PTPRD: variants seen among roughly 807,000 people sequenced by gnomAD.
PTPRD encodes the protein protein tyrosine phosphatase receptor type D.
PTPRD carries 34 observed loss-of-function variants against 214.5 expected under a neutral mutation model. The ratio of observed to expected loss-of-function variants is 0.16; its 90% CI spans 0.12 to 0.21. PTPRD has a LOEUF of 0.21. Ranked by LOEUF, PTPRD falls within the 10% of genes least tolerant of loss-of-function variation. The pLI, the probability that PTPRD is intolerant of heterozygous loss-of-function variation, is 1.00. For synonymous variants in PTPRD, 1,128 were observed against 845.7 expected, an observed-to-expected ratio of 1.33 and a Z score of -5.79; for missense variants, 2,545 against 2,398.7, an observed-to-expected ratio of 1.06 and a Z score of -1.27.
chr9:9,100,457 G>C (rs1417659854), intron 10 of PTPRD, among the ~76,000 whole-genome samples: 2 of 152,096 alleles, frequency 1.3e-5, no homozygotes, highest in Non-Finnish European at 2.9e-5. Context: ...TTATTTTGGG[G>C]AACACCACCC....
chr9:9,346,395 G>A (rs537755154), intron 9 of PTPRD, among the ~76,000 whole-genome samples: 163 of 152,128 alleles, frequency 1.1e-3, no homozygotes, highest in Non-Finnish European at 1.8e-3. Context: ...AATTAACTGA[G>A]AGAAATGTGT....
At chr9:10,507,755 G>A (rs974058870) in intron 2 of PTPRD, among the ~76,000 whole-genome samples, 2 of 152,132 alleles carry the variant, frequency 1.3e-5, no homozygotes, top group African/African-American at 4.8e-5. Flanking sequence ...TATGTAGAAA[G>A]CTGAAACTGG....
intron 39 of PTPRD, among the ~76,000 whole-genome samples, chr9:8,353,127 A>C (rs2075971441): frequency 6.6e-6 from 1 of 152,152 alleles, no homozygotes; most frequent in Non-Finnish European, 1.5e-5. Flanking sequence ...AAATAAATAA[A>C]AGAAAAAGGC....
intron 6 of PTPRD, among the ~76,000 whole-genome samples, chr9:9,745,751 C>G (rs2098451135): frequency 6.6e-6 from 1 of 152,086 alleles, no homozygotes; most frequent in African/African-American, 2.4e-5. Flanking sequence ...TCACTGTACT[C>G]TAGCTACACA....
At chr9:10,061,505 G>C (rs532862536) in intron 3 of PTPRD, among the ~76,000 whole-genome samples, 23 of 152,124 alleles carry the variant, frequency 1.5e-4, no homozygotes, top group African/African-American at 4.8e-4. Context: ...GCTCAAATGA[G>C]ATTGCTTTGA....
At chr9:8,855,006 T>C (rs528179577) in intron 11 of PTPRD, among the ~76,000 whole-genome samples, 1 of 152,312 alleles carries the variant, frequency 6.6e-6, no homozygotes, top group African/African-American at 2.4e-5. Flanking sequence ...AAAATCATAG[T>C]GCCAGAGAAG....
At chr9:9,303,817 A>G (rs957847158) in intron 9 of PTPRD, among the ~76,000 whole-genome samples, 1 of 152,176 alleles carries the variant, frequency 6.6e-6, no homozygotes, top group African/African-American at 2.4e-5. Flanking sequence ...TAAGGCAAAC[A>G]AACAAACACT....
intron 12 of PTPRD, among the ~76,000 whole-genome samples, chr9:8,674,576 A>G (rs908755549): frequency 6.6e-6 from 1 of 152,122 alleles, no homozygotes; most frequent in Non-Finnish European, 1.5e-5. Flanking sequence ...TACTTATGAA[A>G]GCTAACCTGG....
chr9:10,279,784 G>A (rs910382176), intron 3 of PTPRD, among the ~76,000 whole-genome samples: 1 of 151,922 alleles, frequency 6.6e-6, no homozygotes, highest in Admixed American at 6.5e-5. Context: ...GGATCTAAGT[G>A]GCGTAGTCAC....
intron 8 of PTPRD, among the ~76,000 whole-genome samples, chr9:9,512,523 T>G (rs1369100256): frequency 6.6e-6 from 1 of 151,910 alleles, no homozygotes; most frequent in Non-Finnish European, 1.5e-5. Context: ...GGCATTTCAG[T>G]GATAAAAATG....
intron 3 of PTPRD, among the ~76,000 whole-genome samples, chr9:10,124,458 C>T (rs2098800193): frequency 6.6e-6 from 1 of 152,116 alleles, no homozygotes; most frequent in Non-Finnish European, 1.5e-5. Flanking sequence ...TCTTTCACCT[C>T]AGTTTGGCCA....
intron 34 of PTPRD, among the ~76,000 whole-genome samples, chr9:8,448,016 G>A (rs892565710): frequency 6.6e-6 from 1 of 152,094 alleles, no homozygotes; most frequent in Non-Finnish European, 1.5e-5. Flanking sequence ...ATAAATTCCT[G>A]GGTCCATTAT....
At chr9:8,732,355 G>C (rs1056050396) in intron 12 of PTPRD, among the ~76,000 whole-genome samples, 1 of 152,272 alleles carries the variant, frequency 6.6e-6, no homozygotes, top group Admixed American at 6.5e-5. Flanking sequence ...GGCTCCCAGG[G>C]TCTAAATGGG....
chr9:10,103,560 C>G (rs2098591870), intron 3 of PTPRD, among the ~76,000 whole-genome samples: 1 of 150,982 alleles, frequency 6.6e-6, no homozygotes, highest in African/African-American at 2.4e-5. Context: ...ACAATATAAG[C>G]CCCCTAAAGC....
intron 11 of PTPRD, among the ~76,000 whole-genome samples, chr9:8,999,762 A>G (rs540428535): frequency 2.6e-5 from 4 of 152,124 alleles, no homozygotes; most frequent in Admixed American, 1.3e-4. Context: ...GGTGGATTCT[A>G]CAGAAACAAG....
At chr9:8,658,036 C>A (rs182593911) in intron 12 of PTPRD, among the ~76,000 whole-genome samples, 13 of 152,188 alleles carry the variant, frequency 8.5e-5, no homozygotes, top group African/African-American at 2.9e-4. Context: ...TAATGATGTA[C>A]AGAGAATATG....
chr9:9,479,006 T>A (rs1357528394), intron 8 of PTPRD, among the ~76,000 whole-genome samples: 1 of 152,188 alleles, frequency 6.6e-6, no homozygotes, highest in Non-Finnish European at 1.5e-5. Flanking sequence ...GCTAATTAGA[T>A]GTGGCTTTCT....
chr9:8,843,086 C>T (rs956214801), intron 11 of PTPRD, among the ~76,000 whole-genome samples: 1 of 152,174 alleles, frequency 6.6e-6, no homozygotes, highest in Non-Finnish European at 1.5e-5. Flanking sequence ...TCCTTAATTC[C>T]TCCCATACAG....
chr9:8,950,397 A>G, intron 11 of PTPRD, among the ~76,000 whole-genome samples: 1 of 152,016 alleles, frequency 6.6e-6, no homozygotes, highest in Non-Finnish European at 1.5e-5. Context: ...CATATGGAGA[A>G]GGGTATGTGA....
Sources: allele counts gnomAD v4.1 joint callset (sites outside exome capture counted in the v4.1 genomes callset), GRCh38; gene constraint gnomAD v4.1.1; transcripts MANE v1.5; gene names NCBI Gene and HGNC (gene_info 2026-07-23, HGNC 2026-07-21).